SLC25A17: variants seen among roughly 807,000 people sequenced by gnomAD.
SLC25A17 encodes the protein solute carrier family 25 member 17, also known as peroxisomal membrane protein PMP34.
A neutral mutation model predicts 38.5 loss-of-function variants in SLC25A17; 26 were observed. The observed-to-expected ratio is 0.68, with a 90% confidence interval of 0.50 to 0.94. The LOEUF (loss-of-function observed/expected upper bound fraction) is 0.94. Among genes scored for constraint, SLC25A17 ranks in the 40% least tolerant of loss-of-function variants. The pLI is 0.00. For missense variants in SLC25A17, 333 were observed against 372.7 expected (o/e 0.89, Z 0.88); for synonymous variants, 139 against 136.2 (o/e 1.02, Z -0.14).
Position 40,799,011 on chromosome 22 carries a change from A to T in SLC25A17, c.115+12T>A, listed in dbSNP as rs1569409189. ...CTGACACCATACAAATAGGAGTATG[A>T]TTTCTACTTACCCTGAAGTCGAAGT... On this transcript the variant is annotated intron_variant, in intron 2 of 8. Transcript: ENST00000435456. 1.3e-5 allele frequency: 20 copies of T among 1,580,614 alleles called. No homozygotes were observed. The highest frequency in any genetic ancestry group is 1.7e-5 in the Non-Finnish European group (19 of 1,150,012).
rs2057182332 is a variant in SLC25A17, at chr22:40,771,416, T to G, written c.777-435A>C. 2.6e-5 allele frequency among the ~76,000 whole-genome samples: 4 copies of G among 152,278 alleles called. No homozygotes were observed. The South Asian group carries it at 8.3e-4, about 32-fold the overall frequency. On this transcript the variant is annotated intron_variant, in intron 8 of 8. Transcript: ENST00000435456. ...TGAGCCACCGTGCCAGGCCCTAGTT[T>G]TTGGTTCTTACAAATAATGTCTTAA...
At chr22:40,785,265 T>A (rs1168398613) in intron 4 of SLC25A17, among the ~76,000 whole-genome samples, 1 of 152,150 alleles carries the variant, frequency 6.6e-6, no homozygotes. Flanking sequence ...GCGCCTGTAG[T>A]CCCAGCTACT....
chr22:40,795,244 G>A (rs1383028246), intron 2 of SLC25A17, among the ~76,000 whole-genome samples: 1 of 151,696 alleles, frequency 6.6e-6, no homozygotes, highest in African/African-American at 2.4e-5. Context: ...CCATAAAGCA[G>A]TCTAATTTAA....
intron 8 of SLC25A17, 77 bp from the exon 9 acceptor site, chr22:40,771,058 TAAG>T: frequency 7.8e-7 from 1 of 1,277,760 alleles, no homozygotes; most frequent in Non-Finnish European, 1.1e-6. Flanking sequence ...GCTACTTTGA[TAAG>T]AACAAGCAAT....
Position 40,773,927 on chromosome 22 carries a change from C to T in SLC25A17, c.776+10G>A. ...GAGAGCACGGAATGTGAGGCATCTACAAAGCTCACCTTACTCGTTGGTGAA... is the reference window on the plus strand; with the variant it reads ...GAGAGCACGGAATGTGAGGCATCTATAAAGCTCACCTTACTCGTTGGTGAA... On this transcript the variant is annotated intron_variant, in intron 8 of 8. Transcript: ENST00000435456. 7.6e-6 allele frequency: 12 copies of T among 1,581,556 alleles called. No homozygotes were observed. Among genetic ancestry groups the T allele is most frequent in the Non-Finnish European group, 1.0e-5 (12 of 1,150,370 alleles).
At chr22:40,797,153 C>T (rs2057438062) in intron 2 of SLC25A17, 2 of 447,332 alleles carry the variant, frequency 4.5e-6, no homozygotes, top group African/African-American at 2.0e-5. Context: ...ATTTTCACTG[C>T]ACTGTATACC....
intron 1 of SLC25A17, among the ~76,000 whole-genome samples, chr22:40,806,324 G>A (rs2057529815): frequency 1.3e-5 from 2 of 152,060 alleles, no homozygotes; most frequent in African/African-American, 4.8e-5. Context: ...TAAATGTGAG[G>A]GTTAAATATT....
In SLC25A17 at chr22:40,819,259, C is replaced by T. The variant is rs779795581; in HGVS notation, c.-11G>A. 5.6e-6 allele frequency: 9 copies of T among 1,613,588 alleles called. No homozygotes were observed. The East Asian group carries it at 1.8e-4, about 32-fold the overall frequency. ...CAGCACGGAAGCCATTGGTGCGGCT[C>T]CTCGAAGACCCAGCCACACTTTTCC... On this transcript the variant is annotated 5_prime_UTR_variant, in exon 1 of 9. Transcript: ENST00000435456.
intron 1 of SLC25A17, among the ~76,000 whole-genome samples, chr22:40,803,106 C>T (rs2057497668): frequency 6.6e-6 from 1 of 152,100 alleles, no homozygotes; most frequent in Non-Finnish European, 1.5e-5. Flanking sequence ...AATAGAACAC[C>T]AGAACTTATT....
At chr22:40,777,007 T>C (rs764066492) in intron 7 of SLC25A17, 33 bp downstream of exon 7, 4 of 1,565,328 alleles carry the variant, frequency 2.6e-6, no homozygotes, top group Non-Finnish European at 3.5e-6. Flanking sequence ...CGAATGCTGT[T>C]TGACTAAATG....
At chr22:40,794,828 A>C (rs1163254170) in intron 2 of SLC25A17, among the ~76,000 whole-genome samples, 1 of 152,082 alleles carries the variant, frequency 6.6e-6, no homozygotes, top group Non-Finnish European at 1.5e-5. Flanking sequence ...AATTTTGGCC[A>C]GGCTGGTCTT....
At chr22:40,798,660 TAAAAAAAAA>T (rs10640211) in intron 2 of SLC25A17, among the ~76,000 whole-genome samples, 1 of 74,378 alleles carries the variant, frequency 1.3e-5, no homozygotes, top group Non-Finnish European at 2.5e-5. Flanking sequence ...CACACATACA[TAAAAAAAAA>T]AAAAAAAAAA....
chr22:40,805,276 G>A (rs2057520037), intron 1 of SLC25A17, among the ~76,000 whole-genome samples: 2 of 152,288 alleles, frequency 1.3e-5, no homozygotes, highest in Admixed American at 6.5e-5. Context: ...CAGGAGAATC[G>A]CTTGAACCAG....
At chr22:40,773,847 C>A (rs2145642855) in intron 8 of SLC25A17, 90 bp downstream of exon 8, 1 of 909,100 alleles carries the variant, frequency 1.1e-6, no homozygotes, top group Admixed American at 1.8e-5. Flanking sequence ...ACCACCAAGG[C>A]AGTAGTGTGA....
intron 4 of SLC25A17, chr22:40,779,518 G>C: frequency 2.6e-6 from 1 of 388,816 alleles, no homozygotes; most frequent in East Asian, 4.2e-5. Context: ...GACAATATCA[G>C]ATAAAACACA....
intron 5 of SLC25A17, 84 bp downstream of exon 5, chr22:40,778,925 T>G: frequency 8.5e-7 from 1 of 1,173,758 alleles, no homozygotes; most frequent in Non-Finnish European, 1.3e-6. Flanking sequence ...AAAGGATATG[T>G]TATGTAGCTT....
rs1284703057 is a variant in SLC25A17, at chr22:40,789,868, C to T, written c.334+2657G>A. On this transcript the variant is annotated intron_variant, in intron 4 of 8. Transcript: ENST00000435456. The surrounding 1 kb of genome is among the most constrained non-coding windows in gnomAD (Gnocchi z 4.5). The stretch of plus-strand genomic sequence containing the variant: ...TGTTGCCCAGGCTGGTCTCAAACTG[C>T]GGGCTCAAGTGATCCTCCTGCCTTG... Among the ~76,000 whole-genome samples the T allele has an allele frequency of 4.6e-5, 7 of 151,430 alleles. No homozygotes were observed. Among genetic ancestry groups the T allele is most frequent in the Admixed American group, 2.0e-4 (3 of 15,190 alleles).
intron 1 of SLC25A17, among the ~76,000 whole-genome samples, chr22:40,810,408 C>T (rs990118054): frequency 6.7e-5 from 10 of 148,192 alleles, no homozygotes; most frequent in African/African-American, 1.5e-4. Flanking sequence ...AGTGCAATGG[C>T]GTAATCTCAG....
chr22:40,799,108 A>G, intron 1 of SLC25A17, 25 bp from the exon 2 acceptor site: 1 of 1,593,908 alleles, frequency 6.3e-7, no homozygotes, highest in Middle Eastern at 1.7e-4. Context: ...AAAGGCCATT[A>G]CAGCATCACA....
Sources: gnomAD v4.1 joint callset for allele counts (sites outside exome capture counted in the v4.1 genomes callset) on GRCh38, gnomAD v4.1.1 for gene constraint, Gnocchi (gnomAD v3.1) non-coding constraint, MANE v1.5 for transcripts, NCBI Gene and HGNC (gene_info 2026-07-23, HGNC 2026-07-21) for gene names.